SPHKAP: variants seen among roughly 807,000 people sequenced by gnomAD.
SPHKAP encodes the protein A-kinase anchor protein SPHKAP.
In SPHKAP, 67 loss-of-function variants were observed where a neutral mutation model predicts 137.5. That is an observed-to-expected ratio of 0.49 (90% CI 0.40 to 0.60). The LOEUF is 0.60. Ranked by LOEUF, SPHKAP falls within the 20% of genes least tolerant of loss-of-function variation. The pLI is 0.00. For missense variants in SPHKAP, 2,097 were observed against 2,069.3 expected (o/e 1.01, Z -0.26); for synonymous variants, 813 against 785.3 (o/e 1.04, Z -0.59).
intron 1 of SPHKAP, among the ~76,000 whole-genome samples, chr2:228,154,056 C>A (rs911091745): frequency 1.3e-5 from 2 of 152,026 alleles, no homozygotes; most frequent in Non-Finnish European, 2.9e-5. Flanking sequence ...AAAAAAGCAA[C>A]TTAAAAATGA....
At chr2:228,031,128 G>A (rs1421731092) in intron 3 of SPHKAP, among the ~76,000 whole-genome samples, 3 of 152,196 alleles carry the variant, frequency 2.0e-5, no homozygotes, top group Non-Finnish European at 4.4e-5. Context: ...CAAAGAAAGG[G>A]GTGACAGACG....
At chr2:228,154,512 C>CTATATATATATATATATATA (rs1559203928) in intron 1 of SPHKAP, among the ~76,000 whole-genome samples, 1 of 22,066 alleles carries the variant, frequency 4.5e-5, no homozygotes, top group Non-Finnish European at 7.4e-5. Flanking sequence ...CTCTCTCTCT[C>CTATATATATATATATATATA]TATATATATA....
intron 3 of SPHKAP, among the ~76,000 whole-genome samples, chr2:228,094,104 G>A (rs1697906365): frequency 6.6e-6 from 1 of 152,058 alleles, no homozygotes; most frequent in South Asian, 2.1e-4. Flanking sequence ...TTTCAGCATG[G>A]ATTAATAATG....
At chr2:228,076,305 A>C (rs187382525) in intron 3 of SPHKAP, among the ~76,000 whole-genome samples, 1 of 152,348 alleles carries the variant, frequency 6.6e-6, no homozygotes, top group African/African-American at 2.4e-5. Context: ...AGTGCTGCTG[A>C]AAAGATATCT....
chr2:228,126,168 C>A (rs550499015), intron 2 of SPHKAP, among the ~76,000 whole-genome samples: 49 of 152,198 alleles, frequency 3.2e-4, no homozygotes, highest in Non-Finnish European at 5.7e-4. Context: ...AGGGGGAGAA[C>A]TTTAGGGCTC....
intron 3 of SPHKAP, among the ~76,000 whole-genome samples, chr2:228,085,589 G>C (rs1024531440): frequency 6.6e-6 from 1 of 152,244 alleles, no homozygotes; most frequent in South Asian, 2.1e-4. Context: ...TTGTATTACA[G>C]GTCAACACAT....
intron 3 of SPHKAP, among the ~76,000 whole-genome samples, chr2:228,089,399 G>T (rs566055179): frequency 9.8e-4 from 150 of 152,342 alleles, no homozygotes; most frequent in African/African-American, 3.5e-3. Context: ...AGATGCAGGG[G>T]CAAAGGAATG....
chr2:228,134,234 GAGGAAGGA>G (rs71043028), intron 1 of SPHKAP, among the ~76,000 whole-genome samples: 29,906 of 141,214 alleles, frequency 0.21, 4,234 homozygotes, highest in African/African-American at 0.41. Context: ...AGGAGGGAGG[GAGGAAGGA>G]AGGAAGGAAG....
intron 3 of SPHKAP, among the ~76,000 whole-genome samples, chr2:228,040,885 A>G (rs1695812967): frequency 6.6e-6 from 1 of 152,186 alleles, no homozygotes. Context: ...GTAACACATT[A>G]TATTTATTTT....
chr2:228,004,098 C>T (rs1694026689), intron 7 of SPHKAP, among the ~76,000 whole-genome samples: 2 of 152,292 alleles, frequency 1.3e-5, no homozygotes, highest in South Asian at 2.1e-4. Context: ...GGAGGATGCC[C>T]TCTTTTTCAA....
intron 3 of SPHKAP, among the ~76,000 whole-genome samples, chr2:228,097,642 C>G (rs1333010912): frequency 1.3e-5 from 2 of 152,082 alleles, no homozygotes; most frequent in Non-Finnish European, 2.9e-5. Flanking sequence ...AAGTAGTTTT[C>G]CATCTCTTGC....
intron 2 of SPHKAP, among the ~76,000 whole-genome samples, chr2:228,112,123 A>G (rs1212717324): frequency 6.6e-6 from 1 of 152,154 alleles, no homozygotes; most frequent in African/African-American, 2.4e-5. Context: ...TGATGTTATC[A>G]TGCTTCTGCT....
At chr2:228,083,704 C>A (rs1697443626) in intron 3 of SPHKAP, among the ~76,000 whole-genome samples, 1 of 152,036 alleles carries the variant, frequency 6.6e-6, no homozygotes, top group Non-Finnish European at 1.5e-5. Context: ...CAGTGATAGA[C>A]TGGATAAAGA....
At chr2:228,178,995 T>C (rs1700821900) in intron 1 of SPHKAP, among the ~76,000 whole-genome samples, 1 of 152,070 alleles carries the variant, frequency 6.6e-6, no homozygotes, top group South Asian at 2.1e-4. Context: ...AGTTTTAATA[T>C]CAATCATCAC....
rs151113443 is a variant in SPHKAP at position 227,993,390 on chromosome 2, G to A, written c.4721+144C>T. 943 of 752,166 alleles carry A rather than the reference G, an allele frequency of 1.3e-3. 7 individuals are homozygous for A. The African/African-American group carries it at 0.014, about 11-fold the overall frequency. 46.6% of individuals were successfully genotyped at this position (752,166 alleles called of 1,614,324 possible). On this transcript the variant is annotated intron_variant, in intron 9 of 11. Transcript: ENST00000392056. ...GTAGGGCAGGGCCTATTCTAGGCTTGAATTCTTCCTCCAGTGACATGGAAC... is the reference window on the plus strand; with the variant it reads ...GTAGGGCAGGGCCTATTCTAGGCTTAAATTCTTCCTCCAGTGACATGGAAC...
chr2:228,044,376 TATCTATATTAATAAAAGAC>T (rs1695953882), intron 3 of SPHKAP, among the ~76,000 whole-genome samples: 1 of 152,186 alleles, frequency 6.6e-6, no homozygotes. Flanking sequence ...CCAGATTGAA[TATCTATATTAATAAAAGAC>T]ATCAAGTGGT....
intron 3 of SPHKAP, among the ~76,000 whole-genome samples, chr2:228,056,325 C>T (rs1023383156): frequency 5.9e-5 from 9 of 152,166 alleles, no homozygotes; most frequent in Admixed American, 2.6e-4. Context: ...TGAAGAATGG[C>T]CAGGTCACAG....
intron 1 of SPHKAP, among the ~76,000 whole-genome samples, chr2:228,149,693 T>G (rs143659231): frequency 6.6e-6 from 1 of 150,872 alleles, no homozygotes; most frequent in Non-Finnish European, 1.5e-5. Flanking sequence ...CATTTATTGA[T>G]AACATTATAA....
At chr2:228,084,547 C>T (rs1024916888) in intron 3 of SPHKAP, among the ~76,000 whole-genome samples, 2 of 152,126 alleles carry the variant, frequency 1.3e-5, no homozygotes, top group Non-Finnish European at 2.9e-5. Context: ...TTTTCATGCA[C>T]CACAGGAATC....
Sources: allele counts gnomAD v4.1 joint callset (sites outside exome capture counted in the v4.1 genomes callset), GRCh38; gene constraint gnomAD v4.1.1; transcripts MANE v1.5; gene names NCBI Gene and HGNC (gene_info 2026-07-23, HGNC 2026-07-21).